GAS7: variants seen among roughly 807,000 people sequenced by gnomAD.
The protein encoded by GAS7 is growth arrest specific 7.
Under a neutral mutation model 71.1 loss-of-function variants are expected in GAS7, and 28 were observed. That is an observed-to-expected ratio of 0.39 (90% CI 0.29 to 0.54). The LOEUF is 0.54. GAS7 is among the 20% of genes least tolerant of loss of function. The pLI is 0.62. For missense variants in GAS7, 436 were observed against 627.8 expected, an observed-to-expected ratio of 0.69 and a Z score of 3.27; for synonymous variants, 258 against 245.8, an observed-to-expected ratio of 1.05 and a Z score of -0.46.
chr17:10,042,292 CAAAAAAA>C (rs58391348), intron 1 of GAS7, among the ~76,000 whole-genome samples: 17,533 of 95,470 alleles, frequency 0.18, 1,238 homozygotes, highest in Middle Eastern at 0.28. Context: ...GAGACTCCGT[CAAAAAAA>C]AAAAAAAAAA....
chr17:9,991,458 G>C (rs8079092), intron 2 of GAS7, among the ~76,000 whole-genome samples: 1,539 of 152,318 alleles, frequency 0.01, 26 homozygotes, highest in African/African-American at 0.036. Flanking sequence ...TTACTGATGG[G>C]ATGAAGCAGA....
At chr17:10,005,216 C>CAT (rs1567880462) in intron 2 of GAS7, among the ~76,000 whole-genome samples, 1 of 125,432 alleles carries the variant, frequency 8.0e-6, no homozygotes, top group African/African-American at 4.4e-5. Flanking sequence ...TGCATGTGCG[C>CAT]GTGTGCATGT....
intron 1 of GAS7, among the ~76,000 whole-genome samples, chr17:10,075,940 A>T (rs2073385611): frequency 6.6e-6 from 1 of 151,620 alleles, no homozygotes; most frequent in South Asian, 2.1e-4. Flanking sequence ...CACCCCTACT[A>T]AAAATACAAA....
chr17:10,183,611 G>A (rs543567953), intron 1 of GAS7, among the ~76,000 whole-genome samples: 6 of 152,262 alleles, frequency 3.9e-5, no homozygotes, highest in South Asian at 4.1e-4. Flanking sequence ...AGGCCGACAC[G>A]GGCGGATCAC....
chr17:10,191,162 C>T (rs369192157), intron 1 of GAS7, among the ~76,000 whole-genome samples: 19 of 146,632 alleles, frequency 1.3e-4, no homozygotes, highest in African/African-American at 3.3e-4. Context: ...GCAACGAGAG[C>T]GGAACTCCGT....
chr17:10,049,983 T>C (rs901252459), intron 1 of GAS7, among the ~76,000 whole-genome samples: 55 of 152,294 alleles, frequency 3.6e-4, no homozygotes, highest in African/African-American at 1.3e-3. Context: ...ATGATCCCAA[T>C]TGTGGAGAAA....
At chr17:9,997,254 G>A (rs1025433973) in intron 2 of GAS7, among the ~76,000 whole-genome samples, 9 of 129,388 alleles carry the variant, frequency 7.0e-5, no homozygotes, top group South Asian at 2.5e-4. Flanking sequence ...GGGTGGGGGC[G>A]GGGGCGGTGG....
chr17:10,012,408 C>G (rs960621319), intron 2 of GAS7, among the ~76,000 whole-genome samples: 62 of 152,096 alleles, frequency 4.1e-4, no homozygotes, highest in African/African-American at 1.4e-3. Context: ...CCACCTCAGC[C>G]TCCCAAGTAG....
chr17:10,085,369 T>C (rs2073505880), intron 1 of GAS7, among the ~76,000 whole-genome samples: 1 of 152,074 alleles, frequency 6.6e-6, no homozygotes, highest in Non-Finnish European at 1.5e-5. Flanking sequence ...CCCCTAGGCC[T>C]GCTGGGAGAC....
chr17:9,911,563 C>A lies in GAS7; in HGVS notation c.*5665G>T. ...CCAGCATTTAGAACGTGGGGAGAAGCGAATTGGTTTTTGCCCTCTGTCTGA... is the reference window on the plus strand; with the variant it reads ...CCAGCATTTAGAACGTGGGGAGAAGAGAATTGGTTTTTGCCCTCTGTCTGA... On this transcript the variant is annotated 3_prime_UTR_variant, in exon 14 of 14. Coordinates refer to ENST00000432992, the MANE Select transcript of GAS7 (RefSeq NM_201433.2). This position sits in a 1 kb window ranked among gnomAD's most constrained non-coding sequence, Gnocchi z 4.0. 4.3e-6 allele frequency: 1 copy of A among 233,160 alleles called. No individual in the cohort carries two copies. The highest frequency in any genetic ancestry group is 6.0e-5 in the East Asian group (1 of 16,560). 14.4% of individuals were successfully genotyped at this position (233,160 alleles called of 1,614,324 possible). A position where few individuals can be genotyped will look rare whatever the true frequency, so the allele number is the denominator to read the frequency against.
At chr17:10,115,398 TG>T (rs888042115) in intron 1 of GAS7, among the ~76,000 whole-genome samples, 1 of 151,908 alleles carries the variant, frequency 6.6e-6, no homozygotes, top group East Asian at 1.9e-4. Flanking sequence ...TGAAGGAGGG[TG>T]GGGGGCAAAG....
chr17:10,105,613 G>A (rs560272177), intron 1 of GAS7, among the ~76,000 whole-genome samples: 1 of 152,244 alleles, frequency 6.6e-6, no homozygotes, highest in South Asian at 2.1e-4. Context: ...CCTGTGGCCA[G>A]CTGCTTCTTG....
At position 10,059,214 on chromosome 17, in the gene GAS7, G is replaced by A. The variant is rs144574828; in HGVS notation, c.184-39317C>T. ...CCCTCATCTAGAACCTGGGGGAACT[G>A]TATCTGCTGGTTCCCAAGGGCCTTT... On this transcript the variant is annotated intron_variant, in intron 1 of 13. Transcript: ENST00000432992. Among the ~76,000 whole-genome samples the A allele has an allele frequency of 2.9e-3, 439 of 152,282 alleles. 4 individuals carry two copies. Among genetic ancestry groups the A allele is most frequent in the African/African-American group, 9.7e-3 (403 of 41,560 alleles).
chr17:10,022,851 C>T (rs765767367), intron 1 of GAS7, among the ~76,000 whole-genome samples: 7 of 152,180 alleles, frequency 4.6e-5, no homozygotes, highest in East Asian at 1.9e-4. Flanking sequence ...CCGACTTGAA[C>T]GGCAAACACC....
intron 1 of GAS7, among the ~76,000 whole-genome samples, chr17:10,179,003 T>A (rs558019736): frequency 6.6e-6 from 1 of 151,906 alleles, no homozygotes; most frequent in South Asian, 2.1e-4. Flanking sequence ...AGAGAACCAA[T>A]GTCCCCTCTG....
At chr17:9,920,315 G>A (rs2067760387) in intron 11 of GAS7, among the ~76,000 whole-genome samples, 1 of 152,078 alleles carries the variant, frequency 6.6e-6, no homozygotes, top group Non-Finnish European at 1.5e-5. Context: ...TGGCTACCTT[G>A]GGAAACAGAG....
At chr17:9,979,701 C>T (rs1233458475) in intron 3 of GAS7, among the ~76,000 whole-genome samples, 2 of 152,182 alleles carry the variant, frequency 1.3e-5, no homozygotes, top group African/African-American at 2.4e-5. Flanking sequence ...TGTCTCTACA[C>T]ATCCGAGCCT....
chr17:10,146,724 C>T (rs1257896398), intron 1 of GAS7, among the ~76,000 whole-genome samples: 1 of 152,188 alleles, frequency 6.6e-6, no homozygotes, highest in East Asian at 1.9e-4. Flanking sequence ...GTGGCTCACA[C>T]CTGTAATCCC....
intron 5 of GAS7, among the ~76,000 whole-genome samples, chr17:9,954,010 T>A (rs1282101285): frequency 6.6e-6 from 1 of 152,130 alleles, no homozygotes; most frequent in Admixed American, 6.5e-5. Context: ...CCTGAGGTGC[T>A]GAGGTTACTG....
Sources: allele counts gnomAD v4.1 joint callset (sites outside exome capture counted in the v4.1 genomes callset), GRCh38; gene constraint gnomAD v4.1.1; non-coding constraint Gnocchi (gnomAD v3.1); transcripts MANE v1.5; gene names NCBI Gene and HGNC (gene_info 2026-07-23, HGNC 2026-07-21).